The following IL1RAPL1 variants were observed in gnomAD, a reference collection of about 807,000 sequenced individuals.
IL1RAPL1 encodes the protein interleukin-1 receptor accessory protein-like 1.
A neutral mutation model predicts 48.4 loss-of-function variants in IL1RAPL1; 3 were observed. The ratio of observed to expected loss-of-function variants is 0.06; its 90% CI spans 0.03 to 0.16. IL1RAPL1 has a LOEUF of 0.16. IL1RAPL1 is among the 10% of genes least tolerant of loss of function. The pLI is 1.00. For missense variants in IL1RAPL1, 349 were observed against 530.6 expected (o/e 0.66, Z 3.36); for synonymous variants, 185 against 187.7 (o/e 0.99, Z 0.12).
At chrX:29,562,083 A>G (rs867661556) in intron 5 of IL1RAPL1, among the ~76,000 whole-genome samples, 10 of 68,073 alleles carry the variant, frequency 1.5e-4, no homozygotes, top group African/African-American at 2.2e-4. Flanking sequence ...TATCTATCTA[A>G]TCTATCTGTC....
intron 5 of IL1RAPL1, among the ~76,000 whole-genome samples, chrX:29,593,969 C>G (rs1923463088): frequency 1.8e-5 from 2 of 111,974 alleles, no homozygotes; most frequent in Admixed American, 1.9e-4. Context: ...TTTAATTTCC[C>G]TCTCTACTAA....
chrX:29,466,684 G>C (rs891947080), intron 5 of IL1RAPL1, among the ~76,000 whole-genome samples: 1 of 111,930 alleles, frequency 8.9e-6, no homozygotes, highest in Non-Finnish European at 1.9e-5. Flanking sequence ...AGGTTCTGTC[G>C]CATTTATAGT....
intron 1 of IL1RAPL1, among the ~76,000 whole-genome samples, chrX:28,644,086 T>C (rs1466001649): frequency 1.8e-5 from 2 of 110,938 alleles, no homozygotes; most frequent in African/African-American, 6.6e-5. Context: ...ATATGTTCTC[T>C]TGTTCAGAAA....
At chrX:29,613,314 C>T (rs1039772815) in intron 5 of IL1RAPL1, among the ~76,000 whole-genome samples, 1 of 111,453 alleles carries the variant, frequency 9.0e-6, no homozygotes, top group Non-Finnish European at 1.9e-5. Flanking sequence ...TCTTTAAATT[C>T]GGGTCACATT....
intron 2 of IL1RAPL1, among the ~76,000 whole-genome samples, chrX:29,210,068 GT>G (rs1930741527): frequency 8.9e-6 from 1 of 112,171 alleles, no homozygotes; most frequent in African/African-American, 3.2e-5. Context: ...TTAATCATGT[GT>G]TTTGTGAGGT....
chrX:29,235,319 G>A (rs1349097359), intron 2 of IL1RAPL1, among the ~76,000 whole-genome samples: 1 of 111,303 alleles, frequency 9.0e-6, no homozygotes, highest in Non-Finnish European at 1.9e-5. Flanking sequence ...AACAATCAAC[G>A]GTTGTTATTG....
intron 5 of IL1RAPL1, among the ~76,000 whole-genome samples, chrX:29,435,479 GTT>G (rs1934472042): frequency 9.0e-6 from 1 of 110,789 alleles, no homozygotes; most frequent in Non-Finnish European, 1.9e-5. Flanking sequence ...AGCACTTCCT[GTT>G]TTCTGGGTTT....
At chrX:29,889,766 T>C (rs770496052) in intron 6 of IL1RAPL1, among the ~76,000 whole-genome samples, 5 of 111,521 alleles carry the variant, frequency 4.5e-5, no homozygotes, top group African/African-American at 1.6e-4. Flanking sequence ...CAGAAAAAAC[T>C]GTTTCCATGG....
chrX:29,233,359 T>C (rs1931234778), intron 2 of IL1RAPL1, among the ~76,000 whole-genome samples: 1 of 111,711 alleles, frequency 9.0e-6, no homozygotes. Context: ...CCAAATCAAA[T>C]TAGTTATCTT....
chrX:29,926,443 G>A (rs1481379314), intron 8 of IL1RAPL1, among the ~76,000 whole-genome samples: 3 of 111,888 alleles, frequency 2.7e-5, no homozygotes, highest in African/African-American at 9.8e-5. Flanking sequence ...CATGGTTATA[G>A]TCACTGGAAG....
Position 28,890,148 on chromosome X carries a change from T to C in IL1RAPL1, c.82+100723T>C, listed in dbSNP as rs191704978. ...TTCCCTCAGTTTGGAACAAACACCT[T>C]AGCTTCAATGTCTCTGCCACTTAGC... On this transcript the variant is annotated intron_variant, in intron 2 of 10. Transcript: ENST00000378993. Among the ~76,000 whole-genome samples the C allele has an allele frequency of 3.1e-4, 35 of 111,750 alleles. No individual in the cohort carries two copies. In the East Asian group the frequency reaches 9.6e-3, roughly 31 times the overall value.
intron 5 of IL1RAPL1, among the ~76,000 whole-genome samples, chrX:29,502,437 A>G (rs902367261): frequency 9.0e-6 from 1 of 111,501 alleles, no homozygotes; most frequent in African/African-American, 3.3e-5. Context: ...ACTTAGTACA[A>G]TATTAGCTGT....
At chrX:28,678,473 TTCAAG>T (rs1443100138) in intron 1 of IL1RAPL1, among the ~76,000 whole-genome samples, 3 of 111,679 alleles carry the variant, frequency 2.7e-5, no homozygotes, top group Non-Finnish European at 3.8e-5. Flanking sequence ...CAAAGTATGT[TTCAAG>T]GCTGAAAGCA....
chrX:29,331,925 C>T (rs1325074981), intron 3 of IL1RAPL1, among the ~76,000 whole-genome samples: 1 of 110,000 alleles, frequency 9.1e-6, no homozygotes, highest in Non-Finnish European at 1.9e-5. Context: ...GGACTATTAT[C>T]ATAATTATAA....
At chrX:29,531,947 A>G (rs1921053766) in intron 5 of IL1RAPL1, among the ~76,000 whole-genome samples, 1 of 112,250 alleles carries the variant, frequency 8.9e-6, no homozygotes, top group African/African-American at 3.2e-5. Flanking sequence ...TTTTAACCTA[A>G]TGGACTATAT....
At chrX:28,725,559 C>G (rs1399377499) in intron 1 of IL1RAPL1, among the ~76,000 whole-genome samples, 4 of 111,946 alleles carry the variant, frequency 3.6e-5, no homozygotes, top group Non-Finnish European at 5.6e-5. Flanking sequence ...ACCCTCTTAG[C>G]ACATCTGTGT....
intron 1 of IL1RAPL1, among the ~76,000 whole-genome samples, chrX:28,686,119 A>T (rs1241307242): frequency 8.9e-6 from 1 of 112,135 alleles, no homozygotes; most frequent in Non-Finnish European, 1.9e-5. Context: ...TGTGTTGTGC[A>T]CATCTTGCCC....
intron 3 of IL1RAPL1, among the ~76,000 whole-genome samples, chrX:29,349,588 G>A (rs988542014): frequency 9.0e-6 from 1 of 111,395 alleles, no homozygotes; most frequent in African/African-American, 3.3e-5. Context: ...GAGCCCCAAC[G>A]AGTCTATGAC....
chrX:29,911,567 G>A (rs1173769068), intron 6 of IL1RAPL1, among the ~76,000 whole-genome samples: 1 of 112,159 alleles, frequency 8.9e-6, no homozygotes, highest in East Asian at 2.8e-4. Flanking sequence ...GGCTCTAAAT[G>A]TAGTTCTGCC....
Sources: allele counts gnomAD v4.1 joint callset (sites outside exome capture counted in the v4.1 genomes callset), GRCh38; gene constraint gnomAD v4.1.1; transcripts MANE v1.5; gene names NCBI Gene and HGNC (gene_info 2026-07-23, HGNC 2026-07-21).